The following POLR2F variants were observed in gnomAD, a reference collection of about 807,000 sequenced individuals.
POLR2F encodes the protein RNA polymerase II, I and III subunit F.
Under a neutral mutation model 22.7 loss-of-function variants are expected in POLR2F, and 12 were observed. The observed-to-expected ratio is 0.53, with a 90% CI of 0.34 to 0.86. The LOEUF (loss-of-function observed/expected upper bound fraction) is 0.86. POLR2F is among the 40% of genes least tolerant of loss of function. The pLI is 0.02. For missense variants in POLR2F, 126 were observed against 171.5 expected, an observed-to-expected ratio of 0.73 and a Z score of 1.48; for synonymous variants, 57 against 66.0, an observed-to-expected ratio of 0.86 and a Z score of 0.66.
upstream of POLR2F, chr22:37,983,789 C>T (rs774065106): frequency 9.1e-6 from 13 of 1,431,032 alleles, no homozygotes; most frequent in Non-Finnish European, 1.1e-5. This position sits in a 1 kb window ranked among gnomAD's most constrained non-coding sequence, Gnocchi z 9.5. Context: ...CGCCATGTCG[C>T]CCCCGGCCGC....
chr22:37,964,720 C>T (rs998199901), intron 3 of POLR2F, among the ~76,000 whole-genome samples: 8 of 151,740 alleles, frequency 5.3e-5, no homozygotes, highest in Non-Finnish European at 7.4e-5. Flanking sequence ...TACAGGCACA[C>T]GCCACCATGC....
In POLR2F at chr22:37,956,687, G is replaced by A. The variant is rs879628847; in HGVS notation, c.21-86G>A. 172 of 1,070,220 alleles carry A rather than the reference G, an allele frequency of 1.6e-4. 1 individual carries two copies. Among genetic ancestry groups the A allele is most frequent in the Non-Finnish European group, 2.4e-4 (163 of 688,530 alleles). The allele number at this position is 1,070,220 out of a possible 1,614,324, so 66.3% of individuals were successfully genotyped here. A position where few individuals can be genotyped will look rare whatever the true frequency, so the allele number is the denominator to read the frequency against. ...CCACTTCAATCTCCGAAAGTACCAGGATTACAAGTGTGATCCACCGTGCCT... is the reference window on the plus strand; with the variant it reads ...CCACTTCAATCTCCGAAAGTACCAGAATTACAAGTGTGATCCACCGTGCCT... On this transcript the variant is annotated intron_variant, in intron 1 of 4. Transcript: ENST00000442738.
intron 1 of POLR2F, among the ~76,000 whole-genome samples, chr22:38,014,122 C>CA (rs918824276): frequency 0.018 from 1,068 of 59,766 alleles, 10 homozygotes; most frequent in Middle Eastern, 0.035. Context: ...AACTCTGTCT[C>CA]AAAAAAAAAA....
chr22:38,025,440 ACT>A, intron 1 of POLR2F: 1 of 1,249,378 alleles, frequency 8.0e-7, no homozygotes, highest in Non-Finnish European at 1.1e-6. Flanking sequence ...ATGTGCACAC[ACT>A]GATTCATATA....
At chr22:37,973,503 G>C, downstream of POLR2F, 1 of 1,596,512 alleles carries the variant, frequency 6.3e-7, no homozygotes, top group Non-Finnish European at 8.5e-7. Flanking sequence ...CTTTAGGGCC[G>C]GGACAGTGTC....
chr22:37,984,830 G>T (rs916758039), upstream of POLR2F, among the ~76,000 whole-genome samples: 1 of 152,136 alleles, frequency 6.6e-6, no homozygotes, highest in Admixed American at 6.5e-5. The surrounding 1 kb of genome is among the most constrained non-coding windows in gnomAD (Gnocchi z 4.4). Context: ...GAACCTGTTG[G>T]ATGGAAGAAA....
chr22:38,037,437 C>CTTTTTTTT, intron 5 of POLR2F, among the ~76,000 whole-genome samples: 4 of 96,152 alleles, frequency 4.2e-5, no homozygotes, highest in African/African-American at 2.3e-4. Context: ...CCATGCTCGG[C>CTTTTTTTT]TATTTTTTTT....
At chr22:38,026,550 C>T (rs2085012212) in exon 3 of POLR2F, 1 of 343,072 alleles carries the variant, frequency 2.9e-6, no homozygotes, top group Non-Finnish European at 5.8e-6. Context: ...TTCCCCACCG[C>T]CTCTCTCTGT....
At chr22:37,970,162 C>T (rs1048749390), downstream of POLR2F, among the ~76,000 whole-genome samples, 72 of 151,886 alleles carry the variant, frequency 4.7e-4, no homozygotes, top group African/African-American at 1.6e-3. Flanking sequence ...GGTGTGGTGG[C>T]GGGCGCCTGT....
At chr22:37,995,313 C>T (rs564147153) in intron 1 of POLR2F, among the ~76,000 whole-genome samples, 5 of 152,330 alleles carry the variant, frequency 3.3e-5, no homozygotes, top group Non-Finnish European at 5.9e-5. Context: ...TGCTGAACCT[C>T]AGTGATCAGA....
intron 1 of POLR2F, chr22:38,025,562 ATC>A: frequency 6.7e-7 from 1 of 1,483,700 alleles, no homozygotes; most frequent in Non-Finnish European, 9.0e-7. Flanking sequence ...CCCTTCTCCC[ATC>A]TCTCTCATTT....
chr22:37,965,999 G>T (rs1288266727), intron 3 of POLR2F, among the ~76,000 whole-genome samples: 4 of 152,304 alleles, frequency 2.6e-5, no homozygotes, highest in Middle Eastern at 3.4e-3. Flanking sequence ...TATGCTGGGG[G>T]CTGGGCCTCC....
At chr22:37,993,645 T>C (rs1300250294) in intron 1 of POLR2F, among the ~76,000 whole-genome samples, 1 of 152,106 alleles carries the variant, frequency 6.6e-6, no homozygotes, top group Non-Finnish European at 1.5e-5. Context: ...AACCTTCCCA[T>C]GCCTCAATCT....
Position 37,980,577 on chromosome 22 carries a change from CA to C in POLR2F, c.293+13409del, listed in dbSNP as rs543425438. On this transcript the variant is annotated intron_variant, in intron 4 of 4. Transcript: ENST00000405557. This position sits in a 1 kb window ranked among gnomAD's most constrained non-coding sequence, Gnocchi z 4.1. ...CGGACAGCTGATTCCACCTCCACCC[CA>C]ACCCCAAGCCCAGCCTGCCCACCAT... Among the ~76,000 whole-genome samples the C allele has an allele frequency of 5.6e-4, 85 of 152,288 alleles. No individual in the cohort carries two copies. The highest frequency in any genetic ancestry group is 9.2e-4 in the Admixed American group (14 of 15,292).
At chr22:38,032,550 C>G (rs957775162) in intron 5 of POLR2F, 1 of 152,320 alleles carries the variant, frequency 6.6e-6, no homozygotes, top group African/African-American at 2.4e-5. Flanking sequence ...ACATAGTCCA[C>G]TGAGCTCTGC....
At chr22:38,003,926 C>T (rs1486960517) in intron 1 of POLR2F, among the ~76,000 whole-genome samples, 1 of 152,064 alleles carries the variant, frequency 6.6e-6, no homozygotes, top group Non-Finnish European at 1.5e-5. Flanking sequence ...GTGGCAGCTG[C>T]GTGGTTGATG....
intron 3 of POLR2F, 101 bp downstream of exon 3, chr22:37,959,577 G>A (rs995141922): frequency 1.3e-5 from 17 of 1,351,122 alleles, no homozygotes; most frequent in Non-Finnish European, 1.7e-5. Context: ...CAGACTCTCT[G>A]CTCTCACATT....
At chr22:37,955,743 G>C (rs527464443) in intron 1 of POLR2F, among the ~76,000 whole-genome samples, 18 of 150,908 alleles carry the variant, frequency 1.2e-4, no homozygotes, top group African/African-American at 4.4e-4. Flanking sequence ...AGTGCAGTGG[G>C]GTGACCGTGG....
upstream of POLR2F, chr22:37,984,061 C>T: frequency 3.7e-6 from 1 of 269,776 alleles, no homozygotes; most frequent in Non-Finnish European, 6.9e-6. This position sits in a 1 kb window ranked among gnomAD's most constrained non-coding sequence, Gnocchi z 4.4. Context: ...CACCTGGTCC[C>T]AACCGTCTCT....
Sources: allele counts gnomAD v4.1 joint callset (sites outside exome capture counted in the v4.1 genomes callset), GRCh38; gene constraint gnomAD v4.1.1; non-coding constraint Gnocchi (gnomAD v3.1); transcripts MANE v1.5; gene names NCBI Gene and HGNC (gene_info 2026-07-23, HGNC 2026-07-21).